The following COA1 variants were observed in gnomAD, a reference collection of about 807,000 sequenced individuals.
The protein encoded by COA1 is cytochrome c oxidase assembly factor 1.
In COA1, 13 loss-of-function variants were observed where a neutral mutation model predicts 16.0. The observed-to-expected ratio is 0.81, with a 90% CI of 0.53 to 1.29. The LOEUF (loss-of-function observed/expected upper bound fraction) is 1.29. Ranked by LOEUF, COA1 falls within the 50% of genes most tolerant of loss-of-function variation. The probability of loss-of-function intolerance (pLI) is 0.00; values close to 1 mark genes in which losing one functional copy is unlikely to be tolerated. For missense variants in COA1, 179 were observed against 177.0 expected (o/e 1.01, Z -0.06); for synonymous variants, 65 against 65.7 (o/e 0.99, Z 0.05).
intron 5 of COA1, 87 bp downstream of exon 5, chr7:43,640,486 T>C: frequency 1.0e-6 from 1 of 973,490 alleles, no homozygotes. Context: ...CCACAGTAAT[T>C]TAACAACAAA....
chr7:43,630,524 C>A lies in COA1; in HGVS notation c.*133+8925G>T, dbSNP rs1174921982. 7.9e-5 allele frequency among the ~76,000 whole-genome samples: 12 copies of A among 152,130 alleles called. No individual in the cohort carries two copies. In the East Asian group the frequency reaches 2.3e-3, roughly 29 times the overall value. On this transcript the variant is annotated intron_variant and NMD_transcript_variant, in intron 6 of 6. Coordinates refer to the COA1 transcript ENST00000415076. The stretch of plus-strand genomic sequence containing the variant: ...TATTTGGGAAGAGATATGTTTAATC[C>A]TCAGCTGCAATTATTCAGGTGAGGA...
intron 1 of COA1, among the ~76,000 whole-genome samples, chr7:43,715,286 T>C (rs2095363803): frequency 6.6e-6 from 1 of 151,978 alleles, no homozygotes; most frequent in African/African-American, 2.4e-5. Flanking sequence ...GTTAAGGGTA[T>C]GTTGCTTGGT....
chr7:43,617,246 T>C (rs1399284842), intron 6 of COA1, among the ~76,000 whole-genome samples: 1 of 152,062 alleles, frequency 6.6e-6, no homozygotes, highest in Non-Finnish European at 1.5e-5. Flanking sequence ...CTAAGAGCAA[T>C]GGGAGGCTGT....
Position 43,639,670 on chromosome 7 carries a change from T to C in COA1, c.353A>G (p.Asp118Gly). 5 of 1,613,880 alleles carry C rather than the reference T, an allele frequency of 3.1e-6. No individual in the cohort carries two copies. Among genetic ancestry groups the C allele is most frequent in the Non-Finnish European group, 4.2e-6 (5 of 1,179,780 alleles). Residue 118 changes from aspartate (D) to glycine (G), a missense_variant, in exon 6 of 6, where the codon GAC becomes GGC. Transcript: ENST00000223336. ...ATCCTTGAGCTCTAAAAAGACCTCG[T>C]CAAGGTGCCACCTGAGAGAAACCAA... ...RGGPFQRWHL[D>G]EVFLELKDGQ... is the part of the protein sequence containing the mutation.
intron 1 of COA1, among the ~76,000 whole-genome samples, chr7:43,695,626 A>G (rs556102340): frequency 6.4e-4 from 97 of 152,210 alleles, no homozygotes; most frequent in African/African-American, 2.2e-3. Context: ...GCTTACACTC[A>G]TTAATACTAC....
chr7:43,665,011 T>C (rs1271889758), intron 1 of COA1, among the ~76,000 whole-genome samples: 1 of 152,166 alleles, frequency 6.6e-6, no homozygotes, highest in Non-Finnish European at 1.5e-5. Context: ...AATAGGTGAA[T>C]TGCTCATTTC....
At chr7:43,709,902 T>C (rs1474340259) in intron 1 of COA1, among the ~76,000 whole-genome samples, 1 of 152,172 alleles carries the variant, frequency 6.6e-6, no homozygotes, top group Non-Finnish European at 1.5e-5. Context: ...CTGCAAAACT[T>C]AGATTTGAAC....
intron 1 of COA1, among the ~76,000 whole-genome samples, chr7:43,714,486 G>A (rs1050582068): frequency 2.6e-5 from 4 of 151,742 alleles, no homozygotes; most frequent in East Asian, 2.0e-4. Context: ...AAAATTAGCC[G>A]GGTATGGTGG....
In COA1 at chr7:43,684,772, A is replaced by G. The variant is rs147120054; in HGVS notation, c.-38-36120T>C. Among the ~76,000 whole-genome samples, 4 of 152,334 alleles carry G rather than the reference A, an allele frequency of 2.6e-5. No homozygotes were observed. The East Asian group carries it at 7.7e-4, about 29-fold the overall frequency. On this transcript the variant is annotated intron_variant, in intron 1 of 5. Coordinates refer to ENST00000223336, the MANE Select transcript of COA1 (RefSeq NM_018224.4). ...CAAAAAGTGGCACACTCTATAGTAC[A>G]TAAGAACAACACTCTTGACCAGATC...
intron 1 of COA1, among the ~76,000 whole-genome samples, chr7:43,716,933 T>G (rs2095407988): frequency 6.6e-6 from 1 of 152,214 alleles, no homozygotes; most frequent in African/African-American, 2.4e-5. Flanking sequence ...GCCTCAACCT[T>G]GGCAGCTTCC....
At chr7:43,675,393 G>GACACAGGAAGGGGAACATC (rs941401021) in intron 1 of COA1, among the ~76,000 whole-genome samples, 1 of 151,378 alleles carries the variant, frequency 6.6e-6, no homozygotes, top group African/African-American at 2.4e-5. Flanking sequence ...AGAACACATG[G>GACACAGGAAGGGGAACATC]ACACAGGAAG....
At chr7:43,705,459 G>A (rs2094932835) in intron 1 of COA1, among the ~76,000 whole-genome samples, 1 of 152,198 alleles carries the variant, frequency 6.6e-6, no homozygotes, top group African/African-American at 2.4e-5. Flanking sequence ...TATAGTGATG[G>A]CTGCTGGCAA....
At chr7:43,658,330 G>A (rs1380245735) in intron 1 of COA1, among the ~76,000 whole-genome samples, 1 of 151,808 alleles carries the variant, frequency 6.6e-6, no homozygotes, top group Admixed American at 6.6e-5. Context: ...CTGCACTCCA[G>A]CCTGGGCGAC....
intron 1 of COA1, among the ~76,000 whole-genome samples, chr7:43,725,725 G>A (rs1310538799): frequency 6.6e-6 from 1 of 152,004 alleles, no homozygotes; most frequent in Non-Finnish European, 1.5e-5. Context: ...TGGGCATGGT[G>A]GCAGTCACCT....
At chr7:43,703,406 A>T (rs2094832140) in intron 1 of COA1, among the ~76,000 whole-genome samples, 1 of 152,070 alleles carries the variant, frequency 6.6e-6, no homozygotes, top group Non-Finnish European at 1.5e-5. Flanking sequence ...TTCTGCATTG[A>T]TGCTCTAACA....
intron 1 of COA1, among the ~76,000 whole-genome samples, chr7:43,671,661 C>T (rs2153198991): frequency 6.6e-6 from 1 of 152,278 alleles, no homozygotes; most frequent in Admixed American, 6.5e-5. Context: ...AAAATATTTG[C>T]AAACTACGTG....
chr7:43,619,129 GAC>G (rs1418586734), intron 6 of COA1, among the ~76,000 whole-genome samples: 3 of 152,202 alleles, frequency 2.0e-5, no homozygotes, highest in Admixed American at 2.0e-4. Context: ...GTCCCTGAAA[GAC>G]ACAGACGGGA....
intron 6 of COA1, among the ~76,000 whole-genome samples, chr7:43,610,622 A>G (rs6968581): frequency 0.57 from 85,824 of 151,770 alleles, 24,775 homozygotes; most frequent in Non-Finnish European, 0.63. Context: ...AGCTGAGATC[A>G]CGCCATTGCA....
chr7:43,649,368 T>C (rs929431457), intron 1 of COA1: 21 of 152,240 alleles, frequency 1.4e-4, no homozygotes, highest in African/African-American at 5.1e-4. Flanking sequence ...ACACGAGCTT[T>C]AAGATATCTA....
Sources: allele counts gnomAD v4.1 joint callset (sites outside exome capture counted in the v4.1 genomes callset), GRCh38; gene constraint gnomAD v4.1.1; transcripts MANE v1.5; gene names NCBI Gene and HGNC (gene_info 2026-07-23, HGNC 2026-07-21).